HHIP: variants seen among roughly 807,000 people sequenced by gnomAD.
HHIP encodes hedgehog-interacting protein.
A neutral mutation model predicts 74.0 loss-of-function variants in HHIP; 12 were observed. That is an observed-to-expected ratio of 0.16 (90% CI 0.10 to 0.26). HHIP has a LOEUF of 0.26. HHIP is among the 10% of genes least tolerant of loss of function. The probability of loss-of-function intolerance (pLI) is 1.00; values close to 1 mark genes in which losing one functional copy is unlikely to be tolerated. For missense variants in HHIP, 788 were observed against 845.0 expected (o/e 0.93, Z 0.84); for synonymous variants, 309 against 311.6 (o/e 0.99, Z 0.09).
chr4:144,674,351 T>G (rs1421297341), intron 4 of HHIP, among the ~76,000 whole-genome samples: 1 of 152,214 alleles, frequency 6.6e-6, no homozygotes, highest in Non-Finnish European at 1.5e-5. Context: ...ACTCAATATC[T>G]TATGTCAAAA....
chr4:144,710,042 C>T (rs1383115171), intron 7 of HHIP, among the ~76,000 whole-genome samples: 1 of 151,986 alleles, frequency 6.6e-6, no homozygotes, highest in Non-Finnish European at 1.5e-5. Flanking sequence ...ATAGTATCAC[C>T]CAGAGAGTTT....
chr4:144,711,050 C>T (rs76873020), intron 7 of HHIP, among the ~76,000 whole-genome samples: 17 of 120,598 alleles, frequency 1.4e-4, no homozygotes, highest in South Asian at 6.1e-4. Flanking sequence ...TGCAAGTCCT[C>T]CCCTTATGGA....
At chr4:144,658,439 G>A (rs538232688) in intron 2 of HHIP, among the ~76,000 whole-genome samples, 2 of 150,996 alleles carry the variant, frequency 1.3e-5, no homozygotes, top group African/African-American at 2.4e-5. Flanking sequence ...GTGTGTTCTT[G>A]GTTCGCTCCA....
At chr4:144,674,825 C>G (rs1729131648) in intron 4 of HHIP, among the ~76,000 whole-genome samples, 1 of 152,096 alleles carries the variant, frequency 6.6e-6, no homozygotes. Flanking sequence ...ACTTGAGGCC[C>G]CAAATGACCC....
chr4:144,692,898 C>A (rs1729713926), intron 4 of HHIP, among the ~76,000 whole-genome samples: 1 of 132,782 alleles, frequency 7.5e-6, no homozygotes, highest in African/African-American at 2.8e-5. Context: ...TCAAGAGGAG[C>A]CAAGTTGCAA....
intron 12 of HHIP, among the ~76,000 whole-genome samples, chr4:144,737,092 T>C (rs1231273432): frequency 6.6e-6 from 1 of 152,184 alleles, no homozygotes; most frequent in African/African-American, 2.4e-5. Context: ...TATATTGTAG[T>C]GGTAAAATTC....
chr4:144,658,318 C>G (rs557541507), intron 2 of HHIP, among the ~76,000 whole-genome samples: 1 of 151,504 alleles, frequency 6.6e-6, no homozygotes, highest in Non-Finnish European at 1.5e-5. Context: ...AATGGGAATC[C>G]CAACCCCCGA....
intron 4 of HHIP, among the ~76,000 whole-genome samples, chr4:144,702,200 A>G (rs577773171): frequency 1.6e-4 from 25 of 152,326 alleles, no homozygotes; most frequent in Non-Finnish European, 2.4e-4. Context: ...TCATTTTATG[A>G]TTATCTCTTC....
Position 144,658,858 on chromosome 4 carries a change from C to G in HHIP, c.541C>G (p.Pro181Ala). 1 of 1,613,612 alleles carries G rather than the reference C, an allele frequency of 6.2e-7. No individual in the cohort carries two copies. The highest frequency in any genetic ancestry group is 1.3e-5 in the African/African-American group (1 of 74,996). ...AAGAAAAGATGGTGGGTTGTGCTTT[C>G]CAGATTTTCCAAGAAAACAAGTCAG... ...YARKDGGLCF[P>A]DFPRKQVRGP... The change falls in exon 3 of 13, where the codon CCA (proline) becomes GCA (alanine). Residue 181 changes from proline (P) to alanine (A), a missense_variant. By Grantham distance (27) the Pro-to-Ala change is conservative. Coordinates refer to ENST00000296575, the MANE Select transcript of HHIP (RefSeq NM_022475.3).
intron 11 of HHIP, among the ~76,000 whole-genome samples, chr4:144,729,467 C>A (rs1448468534): frequency 2.6e-5 from 4 of 152,084 alleles, no homozygotes. Context: ...GGAAATGGAC[C>A]TAATTTAGAA....
chr4:144,665,655 A>T (rs1728839832), intron 4 of HHIP, among the ~76,000 whole-genome samples: 1 of 152,140 alleles, frequency 6.6e-6, no homozygotes, highest in Non-Finnish European at 1.5e-5. Context: ...GTATTCTTTC[A>T]TTATTTTTGA....
intron 4 of HHIP, among the ~76,000 whole-genome samples, chr4:144,678,703 C>T (rs759383670): frequency 1.3e-5 from 2 of 152,170 alleles, no homozygotes; most frequent in Admixed American, 6.5e-5. Flanking sequence ...TCATCCATGT[C>T]CCTGCAAAGG....
chr4:144,708,465 G>A (rs1431362929), intron 7 of HHIP, among the ~76,000 whole-genome samples, 154 bp downstream of exon 7: 6 of 152,210 alleles, frequency 3.9e-5, no homozygotes, highest in African/African-American at 1.4e-4. Flanking sequence ...TTACTCAAGT[G>A]AGTATTTAGC....
chr4:144,705,523 A>T (rs1404458410), intron 4 of HHIP, among the ~76,000 whole-genome samples: 2 of 152,230 alleles, frequency 1.3e-5, no homozygotes, highest in African/African-American at 2.4e-5. Flanking sequence ...TCTCCGAGAA[A>T]GTGCTTCCTG....
chr4:144,689,591 G>A (rs1025160085), intron 4 of HHIP, among the ~76,000 whole-genome samples: 1 of 152,128 alleles, frequency 6.6e-6, no homozygotes. Context: ...TTTGCCTGGA[G>A]CACTGCTTGG....
rs1483519142 is a variant in HHIP at position 144,740,515 on chromosome 4, T to C, written c.*2558T>C. On this transcript the variant is annotated 3_prime_UTR_variant, in exon 13 of 13. Coordinates refer to ENST00000296575, the MANE Select transcript of HHIP (RefSeq NM_022475.3). ...AAATCATTGGAGTCATTTCTTTCTG[T>C]TCTTAGGAGAAAAGTAGATAGCACT... 6.6e-6 allele frequency: 1 copy of C among 152,226 alleles called. No homozygotes were observed. The highest frequency in any genetic ancestry group is 2.1e-4 in the South Asian group (1 of 4,834). 9.4% of individuals were successfully genotyped at this position (152,226 alleles called of 1,614,324 possible). A position where few individuals can be genotyped will look rare whatever the true frequency, so the allele number is the denominator to read the frequency against.
At chr4:144,715,268 C>T in intron 9 of HHIP, 32 bp from the exon 10 acceptor site, 1 of 1,596,076 alleles carries the variant, frequency 6.3e-7, no homozygotes, top group Non-Finnish European at 8.6e-7. Flanking sequence ...AGTGTGTATT[C>T]ATTGTAGCTT....
At chr4:144,695,234 C>A (rs929836749) in intron 4 of HHIP, among the ~76,000 whole-genome samples, 1 of 151,650 alleles carries the variant, frequency 6.6e-6, no homozygotes, top group African/African-American at 2.4e-5. Flanking sequence ...AAGAATTGAA[C>A]CTCTCCAAAC....
In HHIP at chr4:144,742,247, A is replaced by C. The variant is rs372515140; in HGVS notation, c.*4290A>C. The C allele has an allele frequency of 1.2e-4, 18 of 152,136 alleles. No homozygotes were observed. The highest frequency in any genetic ancestry group is 3.6e-4 in the African/African-American group (15 of 41,430). The allele number at this position is 152,136 out of a possible 1,614,324, so 9.4% of individuals were successfully genotyped here. A position where few individuals can be genotyped will look rare whatever the true frequency, so the allele number is the denominator to read the frequency against. ...TGATCTTTTCTTTGTTTTTCTGAAA[A>C]ATAGCCTCTCTTGATTCCACATTTT... On this transcript the variant is annotated 3_prime_UTR_variant, in exon 13 of 13. Coordinates refer to ENST00000296575, the MANE Select transcript of HHIP (RefSeq NM_022475.3).
Sources: gnomAD v4.1 joint callset for allele counts (sites outside exome capture counted in the v4.1 genomes callset) on GRCh38, gnomAD v4.1.1 for gene constraint, MANE v1.5 for transcripts, NCBI Gene and HGNC (gene_info 2026-07-23, HGNC 2026-07-21) for gene names.